PLPPR3: variants seen among roughly 807,000 people sequenced by gnomAD.
The protein encoded by PLPPR3 is phospholipid phosphatase-related protein type 3.
In PLPPR3, 14 loss-of-function variants were observed where a neutral mutation model predicts 27.3. The ratio of observed to expected loss-of-function variants is 0.51; its 90% CI spans 0.34 to 0.80. PLPPR3 has a LOEUF of 0.80. Among genes scored for constraint, PLPPR3 ranks in the 30% least tolerant of loss-of-function variants. The pLI is 0.01. For missense variants in PLPPR3, 1,287 were observed against 1,056.9 expected (o/e 1.22, Z -3.02); for synonymous variants, 671 against 508.0 (o/e 1.32, Z -4.32).
upstream of PLPPR3, among the ~76,000 whole-genome samples, chr19:823,142 AACAAAG>A (rs2035173333): frequency 7.0e-6 from 1 of 142,464 alleles, no homozygotes; most frequent in African/African-American, 2.6e-5. Flanking sequence ...CAAACAAACA[AACAAAG>A]AGTGACTTCC....
chr19:823,450 A>AAAAAAAACAAAAAAC (rs71174324), upstream of PLPPR3, among the ~76,000 whole-genome samples: 1 of 143,838 alleles, frequency 7.0e-6, no homozygotes, highest in Admixed American at 7.1e-5. Flanking sequence ...TCAAAAAAAA[A>AAAAAAAACAAAAAAC]AAAAAAAACA....
rs763679235 is a variant in PLPPR3 at position 814,540 on chromosome 19, G to A, written c.725C>T (p.Ala242Val). ...GAGCCCGCATACGCCCGCGGCGATG[G>A]CAAAGGCGAAGACCAGGATGGGCTT... ...LLKPILVFAF[A>V]IAAGVCGLTQ... Residue 242 changes from alanine (A) to valine (V), a missense_variant, in exon 7 of 8, where the codon GCC becomes GTC. By Grantham distance (64) the Ala-to-Val change is moderately conservative. Transcript: ENST00000520876. The A allele has an allele frequency of 2.5e-5, 40 of 1,612,046 alleles. No individual in the cohort carries two copies. The highest frequency in any genetic ancestry group is 3.2e-5 in the Non-Finnish European group (38 of 1,179,968).
In PLPPR3 at chr19:812,664, C is replaced by G; in HGVS notation, c.2063G>C (p.Arg688Pro). The G allele has an allele frequency of 1.9e-6, 2 of 1,060,118 alleles. No individual in the cohort carries two copies. The highest frequency in any genetic ancestry group is 2.3e-6 in the Non-Finnish European group (2 of 876,332). The allele number at this position is 1,060,118 out of a possible 1,614,324, so 65.7% of individuals were successfully genotyped here. ...CGCCAGCCCCAGGCCGCCCGCGTGG[C>G]GCCGCAGCGTGGACTCCCGGCTGCC... ...GPGSRESTLR[R>P]HAGGLGLAER... The change falls in exon 8 of 8, where the codon CGC (arginine) becomes CCC (proline). Residue 688 changes from arginine to proline, a missense_variant. Transcript: ENST00000520876.
At chr19:818,253 C>T (rs553892516) in intron 2 of PLPPR3, among the ~76,000 whole-genome samples, 20 of 151,966 alleles carry the variant, frequency 1.3e-4, no homozygotes, top group South Asian at 6.3e-4. Flanking sequence ...CGTGGTGGTG[C>T]GTGCCTGTAG....
intron 3 of PLPPR3, 47 bp downstream of exon 3, chr19:815,619 A>G (rs1351161800): frequency 2.0e-6 from 3 of 1,520,522 alleles, no homozygotes; most frequent in Non-Finnish European, 2.7e-6. Context: ...GTGGGCTCCC[A>G]GCCGTGGTGC....
At chr19:816,196 T>G (rs2035049909) in intron 2 of PLPPR3, among the ~76,000 whole-genome samples, 1 of 142,790 alleles carries the variant, frequency 7.0e-6, no homozygotes, top group Non-Finnish European at 1.5e-5. Flanking sequence ...CCACCCATTC[T>G]CCACCCATGC....
chr19:822,512 C>T (rs935678445), upstream of PLPPR3, among the ~76,000 whole-genome samples: 1 of 152,106 alleles, frequency 6.6e-6, no homozygotes, highest in Non-Finnish European at 1.5e-5. Flanking sequence ...CCGGTGCCTC[C>T]CTCCCTTCCC....
At chr19:815,422 C>T (rs2035036678) in intron 3 of PLPPR3, 95 bp from the exon 4 acceptor site, 8 of 1,364,960 alleles carry the variant, frequency 5.9e-6, no homozygotes, top group Admixed American at 2.6e-5. Context: ...CTGGCACAGG[C>T]CCCGGTGTGG....
In PLPPR3 at chr19:814,440, G is replaced by A; in HGVS notation, c.825C>T (p.Ala275=). The change falls in exon 7 of 8, where the codon GCC becomes GCT. Residue 275 remains alanine (A), a synonymous_variant. Transcript: ENST00000520876. ...ATCAGAACCTGCCACTCACCAGGTAGGCAGCGATGCCCGCCCCGATGAGGA... is the reference window on the plus strand; with the variant it reads ...ATCAGAACCTGCCACTCACCAGGTAAGCAGCGATGCCCGCCCCGATGAGGA... The part of the protein sequence containing the change: ...AGFLIGAGIA[A]YLACHAVGNF... The A allele has an allele frequency of 6.2e-7, 1 of 1,600,268 alleles. No homozygotes were observed. The highest frequency in any genetic ancestry group is 1.3e-5 in the African/African-American group (1 of 74,938).
chr19:823,534 C>CA (rs1555703918), upstream of PLPPR3, among the ~76,000 whole-genome samples: 1 of 152,068 alleles, frequency 6.6e-6, no homozygotes, highest in African/African-American at 2.4e-5. Flanking sequence ...CTGCTGCCCC[C>CA]GGGAAGAGGG....
intron 2 of PLPPR3, among the ~76,000 whole-genome samples, chr19:817,833 G>A (rs993970361): frequency 2.0e-5 from 3 of 152,150 alleles, no homozygotes; most frequent in Non-Finnish European, 4.4e-5. Flanking sequence ...CCTGACACCC[G>A]GTTTGAAAAC....
In PLPPR3 at chr19:815,010, T is replaced by C. The variant is rs771211526; in HGVS notation, c.475A>G (p.Thr159Ala). The C allele has an allele frequency of 3.1e-6, 5 of 1,611,242 alleles. No individual in the cohort carries two copies. The highest frequency in any genetic ancestry group is 1.7e-5 in the Admixed American group (1 of 59,970). ...DVIQLATGYH[T>A]PFFLTVCKPN... ...TTGCAGACGGTGAGGAAGAAGGGAG[T>C]GTGGTAACCCGTGGCCAGCTGGATC... The change falls in exon 5 of 8, where the codon ACT becomes GCT. Residue 159 changes from threonine to alanine, a missense_variant. Physicochemically the swap from Thr to Ala is moderately conservative, Grantham distance 58 (BLOSUM62 0). Transcript: ENST00000520876.
At chr19:816,570 C>G (rs1202628374) in intron 2 of PLPPR3, among the ~76,000 whole-genome samples, 1 of 69,168 alleles carries the variant, frequency 1.4e-5, no homozygotes, top group East Asian at 3.5e-4. Context: ...ATCCATTCAT[C>G]ACCCAGCCAT....
At chr19:823,155 T>A (rs951149862), upstream of PLPPR3, among the ~76,000 whole-genome samples, 4 of 148,858 alleles carry the variant, frequency 2.7e-5, no homozygotes, top group Non-Finnish European at 5.9e-5. Flanking sequence ...AAAGAGTGAC[T>A]TCCAGGCTGG....
In PLPPR3 at chr19:813,951, G is replaced by A; in HGVS notation, c.832-56C>T. On this transcript the variant is annotated intron_variant, in intron 7 of 7. Transcript: ENST00000520876. This position sits in a 1 kb window ranked among gnomAD's most constrained non-coding sequence, Gnocchi z 4.1. ...CTGGGGCTCAGAGGGCTCCTCCCCT[G>A]TGATCGTTGGACTTGCCGCGGGGGG... is the stretch of plus-strand genomic sequence containing the variant. The A allele has an allele frequency of 7.1e-7, 1 of 1,409,416 alleles. No homozygotes were observed. Among genetic ancestry groups the A allele is most frequent in the Admixed American group, 3.2e-5 (1 of 30,808 alleles). 87.3% of individuals were successfully genotyped at this position (1,409,416 alleles called of 1,614,324 possible).
chr19:813,754 C>T lies in PLPPR3; in HGVS notation c.973G>A (p.Glu325Lys), dbSNP rs1217749864. 6.5e-7 allele frequency: 1 copy of T among 1,527,142 alleles called. No homozygotes were observed. Among genetic ancestry groups the T allele is most frequent in the Non-Finnish European group, 8.7e-7 (1 of 1,142,882 alleles). 94.6% of individuals were successfully genotyped at this position (1,527,142 alleles called of 1,614,324 possible). ...YQQNKSVSTD[E>K]LGPPGRLEGA... is the part of the protein sequence containing the mutation. ...TCCAGCCGCCCTGGGGGCCCCAGCT[C>T]GTCGGTGCTCACCGACTTATTCTGC... The change falls in exon 8 of 8, where the codon GAG becomes AAG. Residue 325 changes from glutamate to lysine, a missense_variant. Coordinates refer to ENST00000520876, the MANE Select transcript of PLPPR3 (RefSeq NM_001270366.2). This position sits in a 1 kb window ranked among gnomAD's most constrained non-coding sequence, Gnocchi z 4.1.
At position 812,858 on chromosome 19, in the gene PLPPR3, G is replaced by C; in HGVS notation, c.1869C>G (p.Asp623Glu). 2 of 1,163,504 alleles carry C rather than the reference G, an allele frequency of 1.7e-6. No homozygotes were observed. Among genetic ancestry groups the C allele is most frequent in the Non-Finnish European group, 2.1e-6 (2 of 941,582 alleles). The allele number at this position is 1,163,504 out of a possible 1,614,324, so 72.1% of individuals were successfully genotyped here. The change falls in exon 8 of 8, where the codon GAC becomes GAG. Residue 623 changes from aspartate (D) to glutamate (E), a missense_variant. Coordinates refer to ENST00000520876, the MANE Select transcript of PLPPR3 (RefSeq NM_001270366.2). Reference sequence around the variant, plus strand: ...CCCCGCCGCGGAAGCCGCGCGCCAGGTCCCCCAGCTCGTAGCCGCCGTCGG... The same window carrying C: ...CCCCGCCGCGGAAGCCGCGCGCCAGCTCCCCCAGCTCGTAGCCGCCGTCGG... Reference protein sequence around the residue: ...AEADGGYELGDLARGFRGGAK... With the variant: ...AEADGGYELGELARGFRGGAK...
At chr19:822,778 C>G (rs1307769732), upstream of PLPPR3, among the ~76,000 whole-genome samples, 2 of 152,186 alleles carry the variant, frequency 1.3e-5, no homozygotes, top group East Asian at 1.9e-4. Flanking sequence ...CTTGGGCACC[C>G]TGGGTCGCAA....
rs762583935 is a variant in PLPPR3 at position 813,210 on chromosome 19, C to T, written c.1517G>A (p.Gly506Asp). ...IPEEGAQTGA[G>D]LSPKSGAGVR... ...CCCGGCGCCGCTTTTGGGGGACAGGCCGGCCCCCGTCTGCGCGCCCTCCTC... is the reference window on the plus strand; with the variant it reads ...CCCGGCGCCGCTTTTGGGGGACAGGTCGGCCCCCGTCTGCGCGCCCTCCTC... Residue 506 changes from glycine to aspartate, a missense_variant, in exon 8 of 8, where the codon GGC becomes GAC. By Grantham distance (94) the Gly-to-Asp change is moderately conservative. Coordinates refer to ENST00000520876, the MANE Select transcript of PLPPR3 (RefSeq NM_001270366.2). The surrounding 1 kb of genome is among the most constrained non-coding windows in gnomAD (Gnocchi z 4.1). The T allele has an allele frequency of 2.2e-5, 33 of 1,494,238 alleles. No homozygotes were observed. The highest frequency in any genetic ancestry group is 2.8e-5 in the Non-Finnish European group (32 of 1,134,566). 92.6% of individuals were successfully genotyped at this position (1,494,238 alleles called of 1,614,324 possible). A position where few individuals can be genotyped will look rare whatever the true frequency, so the allele number is the denominator to read the frequency against.
Sources: gnomAD v4.1 joint callset for allele counts (sites outside exome capture counted in the v4.1 genomes callset) on GRCh38, gnomAD v4.1.1 for gene constraint, Gnocchi (gnomAD v3.1) non-coding constraint, MANE v1.5 for transcripts, NCBI Gene and HGNC (gene_info 2026-07-23, HGNC 2026-07-21) for gene names.